RADIL: variants seen among roughly 807,000 people sequenced by gnomAD.
The protein encoded by RADIL is ras-associating and dilute domain-containing protein.
Under a neutral mutation model 97.6 loss-of-function variants are expected in RADIL, and 99 were observed. The observed-to-expected ratio is 1.01, with a 90% CI of 0.86 to 1.20. RADIL has a LOEUF of 1.20. Among genes scored for constraint, RADIL ranks in the 50% most tolerant of loss-of-function variants. RADIL has a pLI of 0.00. For synonymous variants in RADIL, 803 were observed against 691.8 expected (o/e 1.16, Z -2.52); for missense variants, 1,765 against 1,498.9 (o/e 1.18, Z -2.93).
In RADIL at chr7:4,805,630, C is replaced by A; in HGVS notation, c.2226G>T (p.Ser742=). 1 of 1,611,708 alleles carries A rather than the reference C, an allele frequency of 6.2e-7. No homozygotes were observed. Among genetic ancestry groups the A allele is most frequent in the Non-Finnish European group, 8.5e-7 (1 of 1,179,876 alleles). The change falls in exon 10 of 15, where the codon TCG becomes TCT. Residue 742 remains serine (S), a synonymous_variant. Coordinates refer to ENST00000399583, the MANE Select transcript of RADIL (RefSeq NM_018059.5). ...HRLLTHYQLA[S]AMGPMSTWEP... ...CCCAGGTGCTCATGGGGCCCATGGC[C>A]GAGGCCAGCTGGTAGTGAGTCAGCA...
At chr7:4,804,893 G>A (rs1468570027) in intron 10 of RADIL, among the ~76,000 whole-genome samples, 3 of 151,906 alleles carry the variant, frequency 2.0e-5, no homozygotes, top group African/African-American at 4.8e-5. Flanking sequence ...TCAGGAGTTC[G>A]AGACCAGCCT....
At chr7:4,881,721 C>A in intron 1 of RADIL, among the ~76,000 whole-genome samples, 2 of 144,782 alleles carry the variant, frequency 1.4e-5, no homozygotes, top group South Asian at 2.2e-4. Flanking sequence ...AGTGAGACTC[C>A]GTCTCAAAAA....
intron 6 of RADIL, among the ~76,000 whole-genome samples, chr7:4,820,979 G>A (rs73312640): frequency 5.6e-4 from 85 of 152,278 alleles, no homozygotes; most frequent in African/African-American, 1.8e-3. Context: ...CCAGTACCTC[G>A]CCTGGCCTTG....
At position 4,834,449 on chromosome 7, in the gene RADIL, G is replaced by A. The variant is rs1031703794; in HGVS notation, c.1416+158C>T. Reference sequence around the variant, plus strand: ...TGCTTCTGGTGGCCTGTGGGGCTGGGGGGCAGCGACAGGCAGGGAAAGGCC... The same window carrying A: ...TGCTTCTGGTGGCCTGTGGGGCTGGAGGGCAGCGACAGGCAGGGAAAGGCC... On this transcript the variant is annotated intron_variant, in intron 4 of 14. Coordinates refer to ENST00000399583, the MANE Select transcript of RADIL (RefSeq NM_018059.5). The surrounding 1 kb of genome is among the most constrained non-coding windows in gnomAD (Gnocchi z 6.0). Among the ~76,000 whole-genome samples, 3 of 152,168 alleles carry A rather than the reference G, an allele frequency of 2.0e-5. No homozygotes were observed. The highest frequency in any genetic ancestry group is 4.8e-5 in the African/African-American group (2 of 41,442).
chr7:4,869,042 G>A (rs987751031), intron 2 of RADIL, among the ~76,000 whole-genome samples: 2 of 152,176 alleles, frequency 1.3e-5, no homozygotes, highest in African/African-American at 4.8e-5. Context: ...CAGGAGAATG[G>A]GCTGAACCCG....
At chr7:4,855,606 C>G (rs536543415) in intron 2 of RADIL, among the ~76,000 whole-genome samples, 63 of 104,150 alleles carry the variant, frequency 6.0e-4, no homozygotes, top group African/African-American at 1.6e-3. Context: ...CACTGTTAGA[C>G]TTTTTTATTT....
intron 2 of RADIL, among the ~76,000 whole-genome samples, chr7:4,863,687 T>C (rs1249131791): frequency 2.0e-5 from 3 of 152,210 alleles, no homozygotes; most frequent in African/African-American, 7.2e-5. Flanking sequence ...GAGAGAGAAC[T>C]TCCTTTGCCA....
chr7:4,846,010 C>T (rs1284113437), intron 2 of RADIL, among the ~76,000 whole-genome samples: 1 of 152,206 alleles, frequency 6.6e-6, no homozygotes, highest in Admixed American at 6.5e-5. Context: ...TCCTGCTCAC[C>T]GCGTCCAGCA....
In RADIL at chr7:4,805,681, T is replaced by C. The variant is rs2306919; in HGVS notation, c.2175A>G (p.Ala725=). ...GCCGGTGCAGCTGTGCTGGGCTCAGTGCGGGGAACGCAGCCCGCAGGGCTG... is the reference window on the plus strand; with the variant it reads ...GCCGGTGCAGCTGTGCTGGGCTCAGCGCGGGGAACGCAGCCCGCAGGGCTG... ...SWTALRAAFP[A]LSPAQLHRLL... The change falls in exon 10 of 15, where the codon GCA becomes GCG. Residue 725 remains alanine (A), a synonymous_variant. Transcript: ENST00000399583. 54 of 1,611,330 alleles carry C rather than the reference T, an allele frequency of 3.4e-5. No homozygotes were observed. Among genetic ancestry groups the C allele is most frequent in the East Asian group, 1.8e-4 (8 of 44,862 alleles).
intron 2 of RADIL, among the ~76,000 whole-genome samples, chr7:4,846,882 A>C (rs184457707): frequency 6.6e-6 from 1 of 152,310 alleles, no homozygotes; most frequent in African/African-American, 2.4e-5. Flanking sequence ...GATTTGAATA[A>C]ACATTTCTTC....
rs111327510 is a variant in RADIL, at chr7:4,835,642, C to T, written c.784-403G>A. Among the ~76,000 whole-genome samples, 152 of 152,230 alleles carry T rather than the reference C, an allele frequency of 1.0e-3. No homozygotes were observed. Among genetic ancestry groups the T allele is most frequent in the African/African-American group, 1.6e-3 (68 of 41,568 alleles). ...GAGCACCACCCCCAGTGTGGGAGCA[C>T]TGCCGCCTGTGTGAGAGCACTGCCC... On this transcript the variant is annotated intron_variant, in intron 3 of 14. Transcript: ENST00000399583. The surrounding 1 kb of genome is among the most constrained non-coding windows in gnomAD (Gnocchi z 5.8).
At chr7:4,831,769 TCCCAGCTA>T (rs1206672625) in intron 5 of RADIL, among the ~76,000 whole-genome samples, 8 of 150,794 alleles carry the variant, frequency 5.3e-5, no homozygotes, top group Non-Finnish European at 1.2e-4. Flanking sequence ...ACACCTGCAG[TCCCAGCTA>T]CTCGGGAAGC....
intron 2 of RADIL, among the ~76,000 whole-genome samples, chr7:4,875,022 G>C (rs952974238): frequency 2.6e-5 from 4 of 151,090 alleles, no homozygotes; most frequent in South Asian, 4.2e-4. Flanking sequence ...GAAACCCCGT[G>C]TCTACTAAAA....
chr7:4,876,255 T>C (rs1037124685), intron 2 of RADIL, among the ~76,000 whole-genome samples: 13 of 152,214 alleles, frequency 8.5e-5, no homozygotes, highest in African/African-American at 3.1e-4. Context: ...TCTCAAAGTG[T>C]TGAGATTACA....
intron 12 of RADIL, 53 bp from the exon 13 acceptor site, chr7:4,800,363 G>T: frequency 2.8e-6 from 4 of 1,406,236 alleles, no homozygotes; most frequent in Non-Finnish European, 3.7e-6. Flanking sequence ...GAATCACGAC[G>T]AGGAATGGGA....
At chr7:4,805,959 C>A (rs1583263409) in intron 9 of RADIL, 10 of 985,436 alleles carry the variant, frequency 1.0e-5, no homozygotes, top group Non-Finnish European at 1.2e-5. Context: ...CCCAGGGAAC[C>A]CACCCCCGTC....
chr7:4,805,325 T>C (rs1375312973), intron 10 of RADIL: 1 of 435,768 alleles, frequency 2.3e-6, no homozygotes, highest in African/African-American at 2.0e-5. Context: ...GAGCCTGGAG[T>C]TTGGAACTTG....
intron 5 of RADIL, among the ~76,000 whole-genome samples, chr7:4,828,576 A>G (rs10246109): frequency 0.012 from 1,842 of 152,378 alleles, 29 homozygotes; most frequent in African/African-American, 0.04. Flanking sequence ...ACAATTTGAA[A>G]CACAGAACAC....
chr7:4,866,839 G>A (rs562722520), intron 2 of RADIL, among the ~76,000 whole-genome samples: 32 of 152,198 alleles, frequency 2.1e-4, no homozygotes, highest in Admixed American at 1.2e-3. Context: ...AGGTGTTTGG[G>A]TCATGGGGAC....
Sources: allele counts gnomAD v4.1 joint callset (sites outside exome capture counted in the v4.1 genomes callset), GRCh38; gene constraint gnomAD v4.1.1; non-coding constraint Gnocchi (gnomAD v3.1); transcripts MANE v1.5; gene names NCBI Gene and HGNC (gene_info 2026-07-23, HGNC 2026-07-21).